The following SLC7A11 variants were observed in gnomAD, a reference collection of about 807,000 sequenced individuals.
The protein encoded by SLC7A11 is solute carrier family 7 member 11, also known as cystine/glutamate transporter.
SLC7A11 carries 35 observed loss-of-function variants against 54.5 expected under a neutral mutation model. The observed-to-expected ratio is 0.64, with a 90% CI of 0.49 to 0.85. The LOEUF (loss-of-function observed/expected upper bound fraction) is 0.85. Ranked by LOEUF, SLC7A11 falls within the 40% of genes least tolerant of loss-of-function variation. The pLI is 0.00. For missense variants in SLC7A11, 583 were observed against 618.1 expected (o/e 0.94, Z 0.60); for synonymous variants, 230 against 225.2 (o/e 1.02, Z -0.19).
Position 138,185,144 on chromosome 4 carries a change from G to C in SLC7A11, c.892C>G (p.Leu298Val). 2 of 1,612,884 alleles carry C rather than the reference G, an allele frequency of 1.2e-6. No homozygotes were observed. The highest frequency in any genetic ancestry group is 1.7e-6 in the Non-Finnish European group (2 of 1,179,184). ...YFTTINAEEL[L>V]LSNAVAVTFS... ...ACCACTGCCACTGCATTTGAAAGCA[G>C]CAGCTCCTCAGCATTAATGGTCGTA... The change falls in exon 7 of 12, where the codon CTG becomes GTG. Residue 298 changes from leucine to valine, a missense_variant. Coordinates refer to ENST00000280612, the MANE Select transcript of SLC7A11 (RefSeq NM_014331.4).
rs898082589 is a variant in SLC7A11 at position 138,168,163 on chromosome 4, A to C, written c.*3793T>G. The stretch of plus-strand genomic sequence containing the variant: ...CAACTTTGCTGGTCTTCTTCAACAA[A>C]ATTAGTACAGAATTCCTAATACAAA... On this transcript the variant is annotated 3_prime_UTR_variant, in exon 12 of 12. Transcript: ENST00000280612. 1 of 152,182 alleles carries C rather than the reference A, an allele frequency of 6.6e-6. No individual in the cohort carries two copies. The highest frequency in any genetic ancestry group is 2.4e-5 in the African/African-American group (1 of 41,438). The allele number at this position is 152,182 out of a possible 1,614,324, so 9.4% of individuals were successfully genotyped here.
intron 11 of SLC7A11, chr4:138,177,754 A>G (rs548404822): frequency 3.3e-5 from 5 of 152,130 alleles, no homozygotes; most frequent in Non-Finnish European, 5.9e-5. Flanking sequence ...AACACAGGCT[A>G]TTCATAAGCA....
intron 6 of SLC7A11, among the ~76,000 whole-genome samples, chr4:138,206,725 A>C (rs181349393): frequency 6.6e-6 from 1 of 152,070 alleles, no homozygotes; most frequent in African/African-American, 2.4e-5. Context: ...TTTTTTATGC[A>C]TATGTGATGC....
Position 138,242,213 on chromosome 4 carries a change from C to CAA in SLC7A11, c.-146_-145dup. ...GCTATAGTGTTCACAGGTGAAAACTCAAAGGTGTGCTTTTTCCTTCACAGC... is the reference window on the plus strand; with the variant it reads ...GCTATAGTGTTCACAGGTGAAAACTCAAAAAGGTGTGCTTTTTCCTTCACAGC... On this transcript the variant is annotated 5_prime_UTR_variant, in exon 1 of 12. Coordinates refer to ENST00000280612, the MANE Select transcript of SLC7A11 (RefSeq NM_014331.4). 1.1e-6 allele frequency: 1 copy of CAA among 914,440 alleles called. No individual in the cohort carries two copies. The highest frequency in any genetic ancestry group is 1.6e-6 in the Non-Finnish European group (1 of 617,532). The allele number at this position is 914,440 out of a possible 1,614,324, so 56.6% of individuals were successfully genotyped here.
At chr4:138,203,155 T>G (rs908464122) in intron 6 of SLC7A11, among the ~76,000 whole-genome samples, 11 of 152,100 alleles carry the variant, frequency 7.2e-5, no homozygotes, top group African/African-American at 2.7e-4. Flanking sequence ...GTGTAAGGCA[T>G]GCTTCCCTAC....
chr4:138,186,474 C>T (rs1736883454), intron 6 of SLC7A11, among the ~76,000 whole-genome samples: 1 of 152,172 alleles, frequency 6.6e-6, no homozygotes, highest in Admixed American at 6.6e-5. Context: ...CAGTCAGCAA[C>T]TGTCATTCAT....
rs746033302 is a variant in SLC7A11 at position 138,185,174 on chromosome 4, A to G, written c.862T>C (p.Tyr288His). Residue 288 changes from tyrosine to histidine, a missense_variant, in exon 7 of 12, where the codon TAC becomes CAC. Transcript: ENST00000280612. ...TIGYVLTNVA[Y>H]FTTINAEELL... ...TCCTCAGCATTAATGGTCGTAAAGT[A>G]GGCCACATTTGTCAGCACATAGCCA... The G allele has an allele frequency of 6.8e-6, 11 of 1,612,928 alleles. No homozygotes were observed. Among genetic ancestry groups the G allele is most frequent in the Admixed American group, 6.7e-5 (4 of 59,920 alleles).
chr4:138,195,391 C>A (rs1737107145), intron 6 of SLC7A11, among the ~76,000 whole-genome samples: 1 of 152,154 alleles, frequency 6.6e-6, no homozygotes, highest in Non-Finnish European at 1.5e-5. Flanking sequence ...ATATCAAGTT[C>A]ATTCATTTAA....
At chr4:138,208,929 T>C (rs1737475778) in intron 6 of SLC7A11, among the ~76,000 whole-genome samples, 1 of 152,054 alleles carries the variant, frequency 6.6e-6, no homozygotes. Context: ...ATAAATGTAA[T>C]CACACAAACA....
intron 11 of SLC7A11, chr4:138,177,208 T>C (rs150692755): frequency 6.6e-6 from 1 of 152,158 alleles, no homozygotes; most frequent in East Asian, 1.9e-4. Context: ...TTTTTGGTTG[T>C]TTGTTTTTTT....
rs554048371 is a variant in SLC7A11 at position 138,217,652 on chromosome 4, C to A, written c.746+1614G>T. Among the ~76,000 whole-genome samples, 5 of 152,308 alleles carry A rather than the reference C, an allele frequency of 3.3e-5. No homozygotes were observed. In the East Asian group the frequency reaches 7.7e-4, roughly 24 times the overall value. On this transcript the variant is annotated intron_variant, in intron 5 of 11. Transcript: ENST00000280612. Reference sequence around the variant, plus strand: ...ATTTCATTCAACAGAATTAATCAAACCTCCCTTGTGACTATCTTCACATTC... The same window carrying A: ...ATTTCATTCAACAGAATTAATCAAAACTCCCTTGTGACTATCTTCACATTC...
At chr4:138,172,773 T>C (rs1736466609) in intron 11 of SLC7A11, among the ~76,000 whole-genome samples, 1 of 152,192 alleles carries the variant, frequency 6.6e-6, no homozygotes, top group African/African-American at 2.4e-5. Flanking sequence ...CTAAGGTCAT[T>C]TTATCTTAGC....
At chr4:138,192,551 TAATAA>T (rs147172157) in intron 6 of SLC7A11, among the ~76,000 whole-genome samples, 1,818 of 151,422 alleles carry the variant, frequency 0.012, 34 homozygotes, top group African/African-American at 0.04. Flanking sequence ...TTATTCTAAC[TAATAA>T]AAGAATGAAG....
intron 6 of SLC7A11, among the ~76,000 whole-genome samples, chr4:138,205,490 C>T (rs952349398): frequency 4.6e-5 from 7 of 151,972 alleles, no homozygotes; most frequent in African/African-American, 1.7e-4. Flanking sequence ...AATATAATAA[C>T]CTGAATGCAT....
chr4:138,234,813 C>T (rs1159263396), intron 2 of SLC7A11, among the ~76,000 whole-genome samples: 4 of 152,266 alleles, frequency 2.6e-5, no homozygotes, highest in African/African-American at 7.2e-5. Flanking sequence ...TGGCTGAAGA[C>T]GGAGTCAAGT....
At chr4:138,230,590 T>C (rs968097066) in intron 3 of SLC7A11, among the ~76,000 whole-genome samples, 4 of 152,120 alleles carry the variant, frequency 2.6e-5, no homozygotes, top group African/African-American at 4.8e-5. Flanking sequence ...ATCACAAAAC[T>C]AAGAATTGTA....
At chr4:138,194,294 T>C (rs951748036) in intron 6 of SLC7A11, among the ~76,000 whole-genome samples, 2 of 152,174 alleles carry the variant, frequency 1.3e-5, no homozygotes, top group African/African-American at 4.8e-5. Flanking sequence ...CTCCTCAGGC[T>C]GTCCATTTAT....
chr4:138,190,770 G>C (rs931489245), intron 6 of SLC7A11, among the ~76,000 whole-genome samples: 19 of 152,054 alleles, frequency 1.2e-4, no homozygotes, highest in African/African-American at 4.1e-4. Flanking sequence ...GAGACCCCTT[G>C]ACATGGAACA....
rs1268153720 is a variant in SLC7A11 at position 138,169,505 on chromosome 4, AGTTACCTT to A, written c.*2443_*2450del. ...TTTGAAAATGAGAAAGAATAATTCT[AGTTACCTT>A]TTAAATTGATACTTTTAAAGAGAAA... On this transcript the variant is annotated 3_prime_UTR_variant, in exon 12 of 12. Transcript: ENST00000280612. The A allele has an allele frequency of 6.6e-6, 1 of 152,182 alleles. No individual in the cohort carries two copies. The highest frequency in any genetic ancestry group is 1.5e-5 in the Non-Finnish European group (1 of 68,024). 9.4% of individuals were successfully genotyped at this position (152,182 alleles called of 1,614,324 possible). A position where few individuals can be genotyped will look rare whatever the true frequency, so the allele number is the denominator to read the frequency against.
Sources: gnomAD v4.1 joint callset for allele counts (sites outside exome capture counted in the v4.1 genomes callset) on GRCh38, gnomAD v4.1.1 for gene constraint, MANE v1.5 for transcripts, NCBI Gene and HGNC (gene_info 2026-07-23, HGNC 2026-07-21) for gene names.